TNC: variants seen among roughly 807,000 people sequenced by gnomAD.
The protein encoded by TNC is tenascin.
A neutral mutation model predicts 202.4 loss-of-function variants in TNC; 109 were observed. The ratio of observed to expected loss-of-function variants is 0.54; its 90% confidence interval spans 0.46 to 0.63. The LOEUF (loss-of-function observed/expected upper bound fraction) is 0.63. Ranked by LOEUF, TNC falls within the 30% of genes least tolerant of loss-of-function variation. TNC has a pLI of 0.00. For synonymous variants in TNC, 1,007 were observed against 1,089.7 expected (o/e 0.92, Z 1.50); for missense variants, 2,756 against 2,833.3 (o/e 0.97, Z 0.62).
intron 1 of TNC, among the ~76,000 whole-genome samples, chr9:115,097,736 C>A (rs1358344049): frequency 6.6e-6 from 1 of 152,146 alleles, no homozygotes; most frequent in Non-Finnish European, 1.5e-5. Flanking sequence ...GTGGCATCTC[C>A]TTGTGGGTGC....
chr9:115,064,639 A>G lies in TNC; in HGVS notation c.3487+8T>C, dbSNP rs546036388. On this transcript the variant is annotated splice_region_variant and intron_variant, in intron 11 of 27. Transcript: ENST00000350763. ...AACAGAAGCTATAAATAGAAAGGAA[A>G]GAGATACCTGTGGAGGCCTCAGCAG... The G allele has an allele frequency of 6.3e-7, 1 of 1,586,688 alleles. No individual in the cohort carries two copies. Among genetic ancestry groups the G allele is most frequent in the South Asian group, 1.1e-5 (1 of 88,748 alleles).
chr9:115,061,172 G>A (rs1158806642), intron 13 of TNC, among the ~76,000 whole-genome samples: 1 of 152,188 alleles, frequency 6.6e-6, no homozygotes, highest in Non-Finnish European at 1.5e-5. Context: ...ACCAAAAATA[G>A]TTGAAAGATA....
chr9:115,067,405 C>T (rs984991664), intron 10 of TNC, among the ~76,000 whole-genome samples: 18 of 152,200 alleles, frequency 1.2e-4, no homozygotes, highest in Admixed American at 3.9e-4. Context: ...CGTACCCCTT[C>T]GTGTGAATTA....
chr9:115,087,240 C>T lies in TNC; in HGVS notation c.491G>A (p.Arg164Gln), dbSNP rs763996904. The change falls in exon 3 of 28, where the codon CGG becomes CAG. Residue 164 changes from arginine to glutamine, a missense_variant. Coordinates refer to ENST00000350763, the MANE Select transcript of TNC (RefSeq NM_002160.4). ...RLDTRPFCSG[R>Q]GNFSTEGCGC... ...ACATCCTTCAGTGCTGAAGTTGCCC[C>T]GACCGCTACAGAAGGGCCTGGTGTC... 5.0e-6 allele frequency: 8 copies of T among 1,614,132 alleles called. No homozygotes were observed. The highest frequency in any genetic ancestry group is 1.7e-5 in the Admixed American group (1 of 60,022).
At chr9:115,091,396 G>T (rs1029997550) in intron 1 of TNC, among the ~76,000 whole-genome samples, 2 of 152,082 alleles carry the variant, frequency 1.3e-5, no homozygotes, top group South Asian at 2.1e-4. Context: ...GAGAGAAAAA[G>T]GTAAAATATT....
Position 115,046,591 on chromosome 9 carries a change from G to T in TNC, c.4944C>A (p.Asp1648Glu). 6.2e-7 allele frequency: 1 copy of T among 1,614,058 alleles called. No individual in the cohort carries two copies. Among genetic ancestry groups the T allele is most frequent in the Non-Finnish European group, 8.5e-7 (1 of 1,180,002 alleles). The stretch of plus-strand genomic sequence containing the variant: ...TATCTCTGATTTTGAGAACAAAATT[G>T]TCGAAGACCCCTTCATCAGCTGTCC... ...LSWTADEGVF[D>E]NFVLKIRDTK... Residue 1648 changes from aspartate (D) to glutamate (E), a missense_variant, in exon 17 of 28, where the codon GAC (aspartate) becomes GAA (glutamate). Coordinates refer to ENST00000350763, the MANE Select transcript of TNC (RefSeq NM_002160.4).
At chr9:115,116,766 G>C (rs748320193) in intron 1 of TNC, among the ~76,000 whole-genome samples, 3 of 152,050 alleles carry the variant, frequency 2.0e-5, no homozygotes, top group Non-Finnish European at 2.9e-5. Context: ...CCAGCCCCGG[G>C]CTACTACCTT....
At chr9:115,034,828 T>G (rs1470349977) in intron 22 of TNC, among the ~76,000 whole-genome samples, 1 of 152,020 alleles carries the variant, frequency 6.6e-6, no homozygotes, top group Non-Finnish European at 1.5e-5. Context: ...AAGAACACGG[T>G]GAAACATATT....
At position 115,107,324 on chromosome 9, in the gene TNC, C is replaced by T. The variant is rs543699839; in HGVS notation, c.-137+10658G>A. ...ATAATACACAAACAAATGAGCATGG[C>T]TGTGTTCCAATAAAACTTTATTTAC... On this transcript the variant is annotated intron_variant, in intron 1 of 27. Coordinates refer to ENST00000350763, the MANE Select transcript of TNC (RefSeq NM_002160.4). 3.9e-5 allele frequency among the ~76,000 whole-genome samples: 6 copies of T among 152,290 alleles called. No homozygotes were observed. The South Asian group carries it at 1.0e-3, about 26-fold the overall frequency.
At chr9:115,045,730 C>T (rs372822907) in intron 17 of TNC, among the ~76,000 whole-genome samples, 3 of 150,990 alleles carry the variant, frequency 2.0e-5, no homozygotes, top group Non-Finnish European at 4.4e-5. Flanking sequence ...CTTGAAACAG[C>T]TCCTATGGAA....
At chr9:115,030,174 T>G in intron 24 of TNC, 80 bp downstream of exon 24, 1 of 1,395,364 alleles carries the variant, frequency 7.2e-7, no homozygotes, top group Non-Finnish European at 9.7e-7. Context: ...CAGGAGGAGA[T>G]CACCCTCTTC....
At chr9:115,072,937 A>T (rs1833568246) in intron 10 of TNC, among the ~76,000 whole-genome samples, 1 of 152,216 alleles carries the variant, frequency 6.6e-6, no homozygotes, top group Non-Finnish European at 1.5e-5. Flanking sequence ...CCGAGTAACC[A>T]TGGCCTCAGG....
chr9:115,048,559 C>T, intron 15 of TNC, 27 bp from the exon 16 acceptor site: 1 of 1,597,540 alleles, frequency 6.3e-7, no homozygotes, highest in South Asian at 1.1e-5. Context: ...GTGAAAATAA[C>T]TCAGGTTAGC....
At chr9:115,117,863 G>A (rs1837585194) in intron 1 of TNC, 119 bp downstream of exon 1, 1 of 151,408 alleles carries the variant, frequency 6.6e-6, no homozygotes, top group Non-Finnish European at 1.5e-5. Flanking sequence ...TTTTCCAGCG[G>A]TGGAAAAAAA....
At chr9:115,047,570 C>A (rs1831301800) in intron 16 of TNC, among the ~76,000 whole-genome samples, 1 of 152,170 alleles carries the variant, frequency 6.6e-6, no homozygotes, top group African/African-American at 2.4e-5. Context: ...TAAAGATCCT[C>A]TTTAACTTTG....
At chr9:115,052,783 C>G in intron 15 of TNC, 1 of 702,616 alleles carries the variant, frequency 1.4e-6, no homozygotes, top group Non-Finnish European at 2.6e-6. Context: ...GATCCCCAGC[C>G]AAGGTGGTTC....
chr9:115,076,408 T>C lies in TNC; in HGVS notation c.2842A>G (p.Thr948Ala). Residue 948 changes from threonine to alanine, a missense_variant, in exon 8 of 28, where the codon ACC (threonine) becomes GCC (alanine). Thr to Ala is a moderately conservative substitution (Grantham distance 58). Transcript: ENST00000350763. ...AGCTCACCTGTGAGTGTGGTTTTGG[T>C]TGTGGCTTGTTGGCTCTTTGGAACA... ...VDVPKSQQAT[T>A]KTTLTGLRPG... 6.2e-7 allele frequency: 1 copy of C among 1,613,712 alleles called. No homozygotes were observed. The highest frequency in any genetic ancestry group is 2.2e-5 in the East Asian group (1 of 44,882).
At chr9:115,067,194 G>A (rs1313955324) in intron 10 of TNC, among the ~76,000 whole-genome samples, 2 of 152,192 alleles carry the variant, frequency 1.3e-5, no homozygotes, top group East Asian at 3.9e-4. Context: ...CCTTGACATT[G>A]GGATTTAAGC....
At chr9:115,080,675 C>T (rs1218447579) in intron 6 of TNC, among the ~76,000 whole-genome samples, 1 of 152,044 alleles carries the variant, frequency 6.6e-6, no homozygotes, top group African/African-American at 2.4e-5. Context: ...CTTTAGGAGG[C>T]CGAGGCGGGT....
Sources: allele counts gnomAD v4.1 joint callset (sites outside exome capture counted in the v4.1 genomes callset), GRCh38; gene constraint gnomAD v4.1.1; transcripts MANE v1.5; gene names NCBI Gene and HGNC (gene_info 2026-07-23, HGNC 2026-07-21).